The following TCF7L2 variants were observed in gnomAD, a reference collection of about 807,000 sequenced individuals.
TCF7L2 encodes transcription factor 7 like 2, also known as transcription factor 7-like 2.
A neutral mutation model predicts 77.9 loss-of-function variants in TCF7L2; 23 were observed. The observed-to-expected ratio is 0.30, with a 90% confidence interval of 0.21 to 0.42. The LOEUF (loss-of-function observed/expected upper bound fraction) is 0.42, where lower values mean the gene tolerates loss of function less well. Ranked by LOEUF, TCF7L2 falls within the 10% of genes least tolerant of loss-of-function variation. The pLI is 1.00. For missense variants in TCF7L2, 654 were observed against 793.1 expected (o/e 0.82, Z 2.11); for synonymous variants, 413 against 340.2 (o/e 1.21, Z -2.36).
chr10:113,044,375 C>T (rs2053051918), intron 5 of TCF7L2, among the ~76,000 whole-genome samples: 1 of 152,172 alleles, frequency 6.6e-6, no homozygotes, highest in African/African-American at 2.4e-5. Context: ...GGAACCTACC[C>T]ATAATTAATT....
intron 4 of TCF7L2, among the ~76,000 whole-genome samples, chr10:112,973,566 G>A (rs1564731630): frequency 6.7e-6 from 1 of 149,080 alleles, no homozygotes; most frequent in Non-Finnish European, 1.5e-5. Flanking sequence ...ACTATTGTAA[G>A]CCTTTTTTAT....
intron 5 of TCF7L2, among the ~76,000 whole-genome samples, chr10:113,068,320 G>A (rs1414951139): frequency 6.6e-6 from 1 of 152,230 alleles, no homozygotes; most frequent in African/African-American, 2.4e-5. Context: ...ACTGCTTGCT[G>A]TTGACAGCCC....
At chr10:113,163,839 C>T (rs2073595016) in intron 13 of TCF7L2, among the ~76,000 whole-genome samples, 1 of 152,122 alleles carries the variant, frequency 6.6e-6, no homozygotes, top group African/African-American at 2.4e-5. Context: ...CCCCTCCTTC[C>T]CTGCCTTCCT....
At chr10:112,976,648 T>C (rs1215711644) in intron 4 of TCF7L2, among the ~76,000 whole-genome samples, 2 of 152,194 alleles carry the variant, frequency 1.3e-5, no homozygotes, top group African/African-American at 4.8e-5. Flanking sequence ...TTGGGGTAGG[T>C]GTATATTAGA....
At chr10:113,111,541 C>G (rs567352700) in intron 5 of TCF7L2, among the ~76,000 whole-genome samples, 5 of 152,316 alleles carry the variant, frequency 3.3e-5, no homozygotes, top group East Asian at 3.9e-4. Flanking sequence ...GCTGTAATCT[C>G]AGTCCTTTCA....
chr10:113,098,226 G>A (rs1038678537), intron 5 of TCF7L2, among the ~76,000 whole-genome samples: 1 of 151,890 alleles, frequency 6.6e-6, no homozygotes, highest in African/African-American at 2.4e-5. Context: ...GTTTCTTCTT[G>A]GACCTTTCCT....
chr10:113,152,566 G>C (rs369206810), intron 11 of TCF7L2, 126 bp downstream of exon 11: 150 of 713,762 alleles, frequency 2.1e-4, no homozygotes, highest in East Asian at 2.1e-3. Flanking sequence ...TGCCCGCTTT[G>C]GGGACTGGTA....
chr10:113,104,015 A>G (rs897260444), intron 5 of TCF7L2, among the ~76,000 whole-genome samples: 1 of 152,160 alleles, frequency 6.6e-6, no homozygotes, highest in African/African-American at 2.4e-5. Context: ...GCCCTTGCAT[A>G]TAAGTTGTTC....
chr10:113,073,631 G>C (rs1255238846), intron 5 of TCF7L2, among the ~76,000 whole-genome samples: 3 of 151,106 alleles, frequency 2.0e-5, no homozygotes, highest in Non-Finnish European at 2.9e-5. Context: ...GTTTGCGGCT[G>C]CAGTGAGCTG....
intron 4 of TCF7L2, among the ~76,000 whole-genome samples, chr10:112,981,587 C>T (rs550482230): frequency 6.6e-6 from 1 of 152,228 alleles, no homozygotes; most frequent in South Asian, 2.1e-4. Context: ...TGGTCAAGAT[C>T]ATCTCCAGCC....
intron 5 of TCF7L2, among the ~76,000 whole-genome samples, chr10:113,113,893 G>C (rs1427142869): frequency 1.3e-5 from 2 of 152,154 alleles, no homozygotes; most frequent in African/African-American, 4.8e-5. Context: ...TGCAAAGCCA[G>C]TCACTTAGCC....
chr10:112,953,552 T>C (rs1416272798), intron 3 of TCF7L2, among the ~76,000 whole-genome samples: 1 of 152,182 alleles, frequency 6.6e-6, no homozygotes, highest in Non-Finnish European at 1.5e-5. Flanking sequence ...ACCTCCCTGG[T>C]ATTATTTTAA....
chr10:113,061,151 A>G (rs1005402513), intron 5 of TCF7L2, among the ~76,000 whole-genome samples: 1 of 151,926 alleles, frequency 6.6e-6, no homozygotes, highest in Non-Finnish European at 1.5e-5. Context: ...CCCCCCGACA[A>G]AAATCAAGCT....
At chr10:112,951,004 G>A (rs1270922149) in intron 1 of TCF7L2, 59 bp downstream of exon 1, 2 of 1,552,694 alleles carry the variant, frequency 1.3e-6, no homozygotes, top group African/African-American at 2.8e-5. Flanking sequence ...CTTGGCAAAT[G>A]TTGCTGAAAG....
At chr10:112,952,978 C>T (rs555199105) in intron 3 of TCF7L2, among the ~76,000 whole-genome samples, 1 of 152,086 alleles carries the variant, frequency 6.6e-6, no homozygotes, top group South Asian at 2.1e-4. Context: ...CCAGTTTGGT[C>T]CCCTACCCCT....
rs777540094 is a variant in TCF7L2 at position 113,151,925 on chromosome 10, G to A, written c.1161+41G>A. ...CTCAGGGAGAAGCGGGGGGCGGGTG[G>A]TGAGGGACCAGAGTGCAGCAGGTCA... On this transcript the variant is annotated intron_variant, in intron 10 of 13. Transcript: ENST00000627217. This position sits in a 1 kb window ranked among gnomAD's most constrained non-coding sequence, Gnocchi z 5.2. 6.4e-7 allele frequency: 1 copy of A among 1,567,366 alleles called. No homozygotes were observed. Among genetic ancestry groups the A allele is most frequent in the South Asian group, 1.2e-5 (1 of 82,056 alleles).
At chr10:113,139,169 G>A (rs1361239299) in intron 5 of TCF7L2, among the ~76,000 whole-genome samples, 2 of 152,148 alleles carry the variant, frequency 1.3e-5, no homozygotes, top group Non-Finnish European at 2.9e-5. Context: ...CAGCGGGTAT[G>A]TATCTTTCCA....
chr10:113,038,628 T>C (rs1215384026), intron 4 of TCF7L2, among the ~76,000 whole-genome samples: 2 of 152,240 alleles, frequency 1.3e-5, no homozygotes, highest in Non-Finnish European at 2.9e-5. Context: ...TTTTTCTTTC[T>C]ATTGAAATTG....
intron 6 of TCF7L2, 71 bp downstream of exon 6, chr10:113,141,387 A>C (rs2136851976): frequency 6.2e-7 from 1 of 1,601,856 alleles, no homozygotes; most frequent in Non-Finnish European, 8.5e-7. Flanking sequence ...TGAGGCCTCC[A>C]CAGGAACCCC....
Sources: allele counts gnomAD v4.1 joint callset (sites outside exome capture counted in the v4.1 genomes callset), GRCh38; gene constraint gnomAD v4.1.1; non-coding constraint Gnocchi (gnomAD v3.1); transcripts MANE v1.5; gene names NCBI Gene and HGNC (gene_info 2026-07-23, HGNC 2026-07-21).